NAXE: variants seen among roughly 807,000 people sequenced by gnomAD.
NAXE encodes NAD(P)HX epimerase.
Under a neutral mutation model 31.2 loss-of-function variants are expected in NAXE, and 25 were observed. That is an observed-to-expected ratio of 0.80 (90% CI 0.58 to 1.12). NAXE has a LOEUF of 1.12. NAXE is among the 50% of genes most tolerant of loss of function. NAXE has a pLI of 0.00. For missense variants in NAXE, 362 were observed against 376.1 expected, an observed-to-expected ratio of 0.96 and a Z score of 0.31; for synonymous variants, 144 against 154.5, an observed-to-expected ratio of 0.93 and a Z score of 0.50.
Position 156,592,183 on chromosome 1 carries a change from CT to C in NAXE, c.266del (p.Leu89ArgfsTer67). 3.1e-6 allele frequency: 5 copies of C among 1,614,198 alleles called. No homozygotes were observed. Among genetic ancestry groups the C allele is most frequent in the Non-Finnish European group, 4.2e-6 (5 of 1,180,044 alleles). On this transcript the variant is annotated frameshift_variant, in exon 2 of 6. Coordinates refer to ENST00000368235, the MANE Select transcript of NAXE (RefSeq NM_144772.3). LOFTEE classifies it high-confidence loss of function. ...SVDQLMELAG[L>X]SCATAIAKAY... ...GGACCAACTTATGGAACTGGCCGGG[CT>C]GAGCTGTGCTACAGCCATCGCCAAG...
At chr1:156,593,324 C>A in intron 4 of NAXE, 84 bp from the exon 5 acceptor site, 2 of 1,512,140 alleles carry the variant, frequency 1.3e-6, no homozygotes, top group Non-Finnish European at 8.9e-7. Context: ...TGAGAATGGT[C>A]TGCAGGTGCA....
chr1:156,593,374 C>T (rs373599217), intron 4 of NAXE, 34 bp from the exon 5 acceptor site: 1 of 1,597,706 alleles, frequency 6.3e-7, no homozygotes, highest in Non-Finnish European at 8.5e-7. Flanking sequence ...TGTGCAGCTG[C>T]TGGCTCTGAC....
Position 156,592,151 on chromosome 1 carries a change from T to G in NAXE, c.233T>G (p.Phe78Cys). Residue 78 changes from phenylalanine (F) to cysteine (C), a missense_variant, in exon 2 of 6, where the codon TTC (phenylalanine) becomes TGC (cysteine). By Grantham distance (205) the Phe-to-Cys change is radical (BLOSUM62 -2). Coordinates refer to ENST00000368235, the MANE Select transcript of NAXE (RefSeq NM_144772.3). ...CAGGAGCTATTTAACGAATACCAGTTCAGCGTGGACCAACTTATGGAACTG... is the reference window on the plus strand; with the variant it reads ...CAGGAGCTATTTAACGAATACCAGTGCAGCGTGGACCAACTTATGGAACTG... ...VDQELFNEYQ[F>C]SVDQLMELAG... 6 of 1,614,204 alleles carry G rather than the reference T, an allele frequency of 3.7e-6. No individual in the cohort carries two copies.
intron 4 of NAXE, 110 bp from the exon 5 acceptor site, chr1:156,593,298 A>G: frequency 1.4e-6 from 2 of 1,407,394 alleles, no homozygotes; most frequent in East Asian, 2.4e-5. Context: ...TGAATGAGAC[A>G]CAATACTTGT....
chr1:156,592,006 G>A lies in NAXE; in HGVS notation c.182+20G>A, dbSNP rs1322019745. 1.1e-5 allele frequency: 18 copies of A among 1,613,506 alleles called. No homozygotes were observed. Among genetic ancestry groups the A allele is most frequent in the Non-Finnish European group, 1.5e-5 (18 of 1,179,744 alleles). Reference sequence around the variant, plus strand: ...CCTGAGGTAGGCACGGGTCTCGGGTGGCCTGCTCTGCCCCGGGGCGGGGCC... The same window carrying A: ...CCTGAGGTAGGCACGGGTCTCGGGTAGCCTGCTCTGCCCCGGGGCGGGGCC... On this transcript the variant is annotated intron_variant, in intron 1 of 5. Coordinates refer to ENST00000368235, the MANE Select transcript of NAXE (RefSeq NM_144772.3).
In NAXE at chr1:156,594,179, G is replaced by A. The variant is rs1476473167; in HGVS notation, c.*95G>A. ...GGAGCTCCTCTGGCAATAAAAGTCA[G>A]TGAATGGTGGAAGTCAGAGACCAAC... On this transcript the variant is annotated 3_prime_UTR_variant, in exon 6 of 6. Coordinates refer to ENST00000368235, the MANE Select transcript of NAXE (RefSeq NM_144772.3). The A allele has an allele frequency of 2.2e-6, 3 of 1,359,372 alleles. No individual in the cohort carries two copies. The African/African-American group carries it at 4.3e-5, about 20-fold the overall frequency. The allele number at this position is 1,359,372 out of a possible 1,614,324, so 84.2% of individuals were successfully genotyped here. A position where few individuals can be genotyped will look rare whatever the true frequency, so the allele number is the denominator to read the frequency against.
rs760693122 is a variant in NAXE at position 156,591,999 on chromosome 1, C to G, written c.182+13C>G. On this transcript the variant is annotated intron_variant, in intron 1 of 5. Transcript: ENST00000368235. ...TGAAGTACCTGAGGTAGGCACGGGT[C>G]TCGGGTGGCCTGCTCTGCCCCGGGG... 4.2e-5 allele frequency: 67 copies of G among 1,613,344 alleles called. No homozygotes were observed. The highest frequency in any genetic ancestry group is 5.5e-5 in the Non-Finnish European group (65 of 1,179,764).
At position 156,593,427 on chromosome 1, in the gene NAXE, T is replaced by C. The variant is rs202244772; in HGVS notation, c.536T>C (p.Leu179Pro). ...MPAEPMTIDELYELVVDAIFG... is the reference protein window; with the variant it reads ...MPAEPMTIDEPYELVVDAIFG... ...CCACAGCCCATGACGATTGATGAAC[T>C]GTATGAGCTGGTGGTGGATGCCATC... The change falls in exon 5 of 6, where the codon CTG becomes CCG. Residue 179 changes from leucine (L) to proline (P), a missense_variant. Physicochemically the swap from Leu to Pro is moderately conservative, Grantham distance 98. Transcript: ENST00000368235. 2.9e-5 allele frequency: 46 copies of C among 1,613,968 alleles called. No individual in the cohort carries two copies. Among genetic ancestry groups the C allele is most frequent in the Non-Finnish European group, 3.8e-5 (45 of 1,179,986 alleles).
intron 4 of NAXE, chr1:156,593,035 AT>A (rs1677380850): frequency 5.3e-6 from 2 of 379,746 alleles, no homozygotes; most frequent in African/African-American, 2.1e-5. Context: ...AAATTGGGTA[AT>A]TTTTTTCCTT....
Position 156,593,480 on chromosome 1 carries a change from C to A in NAXE, c.589C>A (p.Arg197=). Residue 197 remains arginine (R), a synonymous_variant, in exon 5 of 6, where the codon CGG becomes AGG. Coordinates refer to ENST00000368235, the MANE Select transcript of NAXE (RefSeq NM_144772.3). ...TGGCTTCAGCTTCAAGGGCGATGTTCGGGAACCGTTCCACAGCATCCTGAG... is the reference window on the plus strand; with the variant it reads ...TGGCTTCAGCTTCAAGGGCGATGTTAGGGAACCGTTCCACAGCATCCTGAG... ...IFGFSFKGDV[R]EPFHSILSVL... is the part of the protein sequence containing the mutation. 1 of 1,614,156 alleles carries A rather than the reference C, an allele frequency of 6.2e-7. No individual in the cohort carries two copies. Among genetic ancestry groups the A allele is most frequent in the Non-Finnish European group, 8.5e-7 (1 of 1,180,014 alleles).
At position 156,592,619 on chromosome 1, in the gene NAXE, G is replaced by A. The variant is rs758601984; in HGVS notation, c.465G>A (p.Val155=). 1 of 1,614,160 alleles carries A rather than the reference G, an allele frequency of 6.2e-7. No homozygotes were observed. Among genetic ancestry groups the A allele is most frequent in the Non-Finnish European group, 8.5e-7 (1 of 1,180,026 alleles). The change falls in exon 4 of 6, where the codon GTG becomes GTA. Residue 155 remains valine (V), a synonymous_variant. Transcript: ENST00000368235. ...RPNKPLFTAL[V]TQCQKMDIPF... Reference sequence around the variant, plus strand: ...ACAAGCCCCTCTTCACTGCATTGGTGACCCAGTGTCAGAAAATGGACATCC... The same window carrying A: ...ACAAGCCCCTCTTCACTGCATTGGTAACCCAGTGTCAGAAAATGGACATCC...
Position 156,593,446 on chromosome 1 carries a change from T to C in NAXE, c.555T>C (p.Asp185=). 1 of 1,614,166 alleles carries C rather than the reference T, an allele frequency of 6.2e-7. No homozygotes were observed. Among genetic ancestry groups the C allele is most frequent in the Non-Finnish European group, 8.5e-7 (1 of 1,180,022 alleles). ...TIDELYELVV[D]AIFGFSFKGD... ...ATGAACTGTATGAGCTGGTGGTGGA[T>C]GCCATCTTTGGCTTCAGCTTCAAGG... The change falls in exon 5 of 6, where the codon GAT becomes GAC. Residue 185 remains aspartate, a synonymous_variant. Coordinates refer to ENST00000368235, the MANE Select transcript of NAXE (RefSeq NM_144772.3).
At position 156,594,082 on chromosome 1, in the gene NAXE, T is replaced by G; in HGVS notation, c.865T>G (p.Ter289GlyextTer10). Residue 289 changes from the stop codon to glycine, a stop_lost, in exon 6 of 6, where the codon TGA becomes GGA. Coordinates refer to ENST00000368235, the MANE Select transcript of NAXE (RefSeq NM_144772.3). ...CACCGAGTGTGTCTATCGTCTGCAG[T>G]GAGGGAAGGTGGGTGGGTATTCTTC... ...PDTECVYRLQ[*>G] The G allele has an allele frequency of 6.2e-7, 1 of 1,613,736 alleles. No homozygotes were observed. The highest frequency in any genetic ancestry group is 1.3e-5 in the African/African-American group (1 of 74,974).
At chr1:156,593,295 G>A (rs1677393673) in intron 4 of NAXE, 113 bp from the exon 5 acceptor site, 3 of 1,385,348 alleles carry the variant, frequency 2.2e-6, no homozygotes, top group Admixed American at 2.4e-5. Context: ...CTCTGAATGA[G>A]ACACAATACT....
chr1:156,593,338 G>A (rs1677394996), intron 4 of NAXE, 70 bp from the exon 5 acceptor site: 3 of 1,557,354 alleles, frequency 1.9e-6, no homozygotes, highest in Admixed American at 3.5e-5. Flanking sequence ...AGGTGCAGAG[G>A]ACAGCCCTCT....
rs1309930317 is a variant in NAXE at position 156,592,166 on chromosome 1, T to G, written c.248T>G (p.Leu83Arg). The G allele has an allele frequency of 1.9e-6, 3 of 1,614,186 alleles. No homozygotes were observed. In the South Asian group the frequency reaches 3.3e-5, roughly 18 times the overall value. ...FNEYQFSVDQ[L>R]MELAGLSCAT... ...GAATACCAGTTCAGCGTGGACCAAC[T>G]TATGGAACTGGCCGGGCTGAGCTGT... Residue 83 changes from leucine (L) to arginine (R), a missense_variant, in exon 2 of 6, where the codon CTT becomes CGT. Physicochemically the swap from Leu to Arg is moderately radical, Grantham distance 102. Coordinates refer to ENST00000368235, the MANE Select transcript of NAXE (RefSeq NM_144772.3).
Position 156,591,966 on chromosome 1 carries a change from C to T in NAXE, c.162C>T (p.Ser54=). 1.2e-6 allele frequency: 2 copies of T among 1,613,190 alleles called. No homozygotes were observed. The highest frequency in any genetic ancestry group is 2.2e-5 in the South Asian group (2 of 91,074). The part of the protein sequence containing the change: ...GGRWDSEVMA[S]TVVKYLSQEE... ...GCTGGGACTCAGAGGTCATGGCGAGCACGGTGGTGAAGTACCTGAGGTAGG... is the reference window on the plus strand; with the variant it reads ...GCTGGGACTCAGAGGTCATGGCGAGTACGGTGGTGAAGTACCTGAGGTAGG... The change falls in exon 1 of 6, where the codon AGC becomes AGT. Residue 54 remains serine (S), a synonymous_variant. Transcript: ENST00000368235.
rs762682200 is a variant in NAXE, at chr1:156,593,614, C to T, written c.664+59C>T. The T allele has an allele frequency of 2.6e-5, 42 of 1,604,534 alleles. No individual in the cohort carries two copies. In the Admixed American group the frequency reaches 6.1e-4, roughly 23 times the overall value. On this transcript the variant is annotated intron_variant, in intron 5 of 5. Coordinates refer to ENST00000368235, the MANE Select transcript of NAXE (RefSeq NM_144772.3). ...TGGGGCCCTACCCTCCTGACTCTTGCCCACACCAGGTCTAAAATAATTTTA... is the reference window on the plus strand; with the variant it reads ...TGGGGCCCTACCCTCCTGACTCTTGTCCACACCAGGTCTAAAATAATTTTA...
rs1677430566 is a variant in NAXE, at chr1:156,594,238, C to A, written c.*154C>A. On this transcript the variant is annotated 3_prime_UTR_variant, in exon 6 of 6. Transcript: ENST00000368235. ...TTGGGTGCCATCTCTCTAGGGGTAA[C>A]ACAAAGGGCAAGAGGTTGCTATGGT... The A allele has an allele frequency of 2.8e-6, 2 of 708,682 alleles. No homozygotes were observed. The highest frequency in any genetic ancestry group is 2.7e-5 in the East Asian group (1 of 36,970). 43.9% of individuals were successfully genotyped at this position (708,682 alleles called of 1,614,324 possible).
Sources: gnomAD v4.1 joint callset for allele counts on GRCh38, gnomAD v4.1.1 for gene constraint, MANE v1.5 for transcripts, NCBI Gene and HGNC (gene_info 2026-07-23, HGNC 2026-07-21) for gene names.